ANO1: variants seen among roughly 807,000 people sequenced by gnomAD.
ANO1 encodes the protein anoctamin-1.
A neutral mutation model predicts 124.0 loss-of-function variants in ANO1; 59 were observed. That is an observed-to-expected ratio of 0.48 (90% CI 0.39 to 0.59). The LOEUF is 0.59. Ranked by LOEUF, ANO1 falls within the 20% of genes least tolerant of loss-of-function variation. ANO1 has a pLI of 0.00. For missense variants in ANO1, 1,059 were observed against 1,328.0 expected (o/e 0.80, Z 3.15); for synonymous variants, 529 against 532.0 (o/e 0.99, Z 0.08).
At position 70,182,669 on chromosome 11, in the gene ANO1, C is replaced by T. The variant is rs1483489124; in HGVS notation, c.2571C>T (p.Tyr857=). ...TAPNDPLDLG[Y]EVQICRYKDY... ...CCAATGACCCCCTGGACCTGGGCTA[C>T]GAGGTGCAGATCTGCAGGTACTGCT... is the stretch of plus-strand genomic sequence containing the variant. The change falls in exon 24 of 26, where the codon TAC becomes TAT. Residue 857 remains tyrosine (Y), a synonymous_variant. Transcript: ENST00000355303. 20 of 1,600,674 alleles carry T rather than the reference C, an allele frequency of 1.2e-5. No homozygotes were observed. Among genetic ancestry groups the T allele is most frequent in the African/African-American group, 1.1e-4 (8 of 74,632 alleles).
chr11:70,179,869 TG>T (rs1423596449), intron 22 of ANO1, 134 bp from the exon 23 acceptor site: 1 of 750,576 alleles, frequency 1.3e-6, no homozygotes, highest in African/African-American at 1.7e-5. Flanking sequence ...AAATGACTCT[TG>T]GTTGCCATAA....
intron 1 of ANO1, among the ~76,000 whole-genome samples, chr11:70,028,761 T>A (rs1591044378): frequency 1.3e-5 from 2 of 152,268 alleles, no homozygotes; most frequent in African/African-American, 4.8e-5. Context: ...ACCGCCTCTC[T>A]GTCAAGCCAG....
chr11:70,170,786 G>A, intron 21 of ANO1, 101 bp from the exon 22 acceptor site: 3 of 1,441,568 alleles, frequency 2.1e-6, no homozygotes, highest in African/African-American at 1.4e-5. Flanking sequence ...TGGAGGTGGG[G>A]CGGCAGCCAG....
intron 1 of ANO1, chr11:69,986,283 C>T (rs77015142): frequency 6.6e-6 from 1 of 152,294 alleles, no homozygotes; most frequent in African/African-American, 2.4e-5. Flanking sequence ...GAGCAGGAGG[C>T]AGGGACCCCC....
rs1294725037 is a variant in ANO1, at chr11:70,161,740, A to T, written c.1892+7A>T. 1 of 1,613,110 alleles carries T rather than the reference A, an allele frequency of 6.2e-7. No homozygotes were observed. Among genetic ancestry groups the T allele is most frequent in the African/African-American group, 1.3e-5 (1 of 74,900 alleles). On this transcript the variant is annotated splice_region_variant and intron_variant, in intron 18 of 25. Coordinates refer to ENST00000355303, the MANE Select transcript of ANO1 (RefSeq NM_018043.7). ...TGGCGTTCTTCAAAGGCCGGTAGGG[A>T]CATCTTCAGCCTTTCCCCAACCTCG...
chr11:70,134,103 A>T (rs1283842661), intron 11 of ANO1, among the ~76,000 whole-genome samples: 2 of 152,126 alleles, frequency 1.3e-5, no homozygotes, highest in East Asian at 3.9e-4. Flanking sequence ...TCCTTAGCAG[A>T]GTTCCCTCCA....
At chr11:69,984,872 C>G (rs1554996694), upstream of ANO1, among the ~76,000 whole-genome samples, 1 of 152,236 alleles carries the variant, frequency 6.6e-6, no homozygotes, top group Admixed American at 6.5e-5. Flanking sequence ...GCCCTGTCCC[C>G]CACGGCCTCT....
chr11:70,119,337 T>C (rs2046148402), intron 8 of ANO1, among the ~76,000 whole-genome samples: 1 of 142,030 alleles, frequency 7.0e-6, no homozygotes, highest in East Asian at 2.2e-4. Flanking sequence ...GATGGAAGGA[T>C]GAATGATGGA....
chr11:69,994,476 A>G lies in ANO1; in HGVS notation c.58+8310A>G, dbSNP rs781882910. ...AATGGAGGAATGGAGATAGACAGATAAAAGGAGGGAGGAAGAGAGAGATTT... is the reference window on the plus strand; with the variant it reads ...AATGGAGGAATGGAGATAGACAGATGAAAGGAGGGAGGAAGAGAGAGATTT... On this transcript the variant is annotated intron_variant, in intron 1 of 27. Coordinates refer to the ANO1 transcript ENST00000531349. Among the ~76,000 whole-genome samples, 39 of 152,130 alleles carry G rather than the reference A, an allele frequency of 2.6e-4. 1 individual carries two copies. The highest frequency in any genetic ancestry group is 2.2e-4 in the Non-Finnish European group (15 of 68,016).
intron 1 of ANO1, among the ~76,000 whole-genome samples, chr11:69,992,780 T>C (rs1856181830): frequency 6.6e-6 from 1 of 152,162 alleles, no homozygotes; most frequent in Admixed American, 6.5e-5. Flanking sequence ...CTGCCTGGCA[T>C]TGTTCCCCTC....
intron 1 of ANO1, among the ~76,000 whole-genome samples, chr11:70,003,000 T>C (rs1292743719): frequency 3.3e-5 from 5 of 150,674 alleles, no homozygotes; most frequent in East Asian, 2.0e-4. Flanking sequence ...ACCCAAAAAC[T>C]GTCGAGGAAA....
rs573858697 is a variant in ANO1, at chr11:70,149,930, C to T, written c.1341+138C>T. 15 of 878,852 alleles carry T rather than the reference C, an allele frequency of 1.7e-5. 1 individual carries two copies. In the Middle Eastern group the frequency reaches 9.5e-4, roughly 56 times the overall value. The allele number at this position is 878,852 out of a possible 1,614,324, so 54.4% of individuals were successfully genotyped here. A position where few individuals can be genotyped will look rare whatever the true frequency, so the allele number is the denominator to read the frequency against. On this transcript the variant is annotated intron_variant, in intron 12 of 25. Transcript: ENST00000355303. Reference sequence around the variant, plus strand: ...GCTGAGGCAAGGCCGCCCCCCATCCCCCACCCCCTGCCTGCCTCGCCACTC... The same window carrying T: ...GCTGAGGCAAGGCCGCCCCCCATCCTCCACCCCCTGCCTGCCTCGCCACTC...
chr11:70,102,053 G>A (rs76114679), intron 2 of ANO1, among the ~76,000 whole-genome samples: 1 of 152,218 alleles, frequency 6.6e-6, no homozygotes. Flanking sequence ...GAAATACGTT[G>A]TGGCTGCAAA....
At chr11:70,154,460 C>CTTTTTTT (rs35077245) in intron 14 of ANO1, among the ~76,000 whole-genome samples, 6 of 84,252 alleles carry the variant, frequency 7.1e-5, no homozygotes, top group Non-Finnish European at 1.1e-4. Flanking sequence ...GGAAGTATGT[C>CTTTTTTT]TTTTTTTTTT....
intron 1 of ANO1, among the ~76,000 whole-genome samples, chr11:69,992,474 C>T (rs1856175478): frequency 6.6e-6 from 1 of 152,142 alleles, no homozygotes; most frequent in Non-Finnish European, 1.5e-5. Context: ...GCCTAATTTC[C>T]CACCTCCAAG....
chr11:70,153,069 G>T lies in ANO1; in HGVS notation c.1366G>T (p.Ala456Ser). The part of the protein sequence containing the change: ...EEEAVKDHPR[A>S]EYEARVLEKS... Reference sequence around the variant, plus strand: ...GTTTCATTCACAGGATCATCCTAGAGCTGAATACGAAGCCAGAGTCTTGGA... The same window carrying T: ...GTTTCATTCACAGGATCATCCTAGATCTGAATACGAAGCCAGAGTCTTGGA... Residue 456 changes from alanine to serine, a missense_variant, in exon 14 of 26, where the codon GCT (alanine) becomes TCT (serine). Ala to Ser is a moderately conservative substitution (Grantham distance 99). Around this residue, in one of 2 missense-constraint regions of ANO1, gnomAD observed 809 missense variants for 1,094.9 expected, o/e 0.74. Transcript: ENST00000355303. 1.2e-6 allele frequency: 2 copies of T among 1,606,586 alleles called. No individual in the cohort carries two copies. The highest frequency in any genetic ancestry group is 1.1e-5 in the South Asian group (1 of 89,072).
At chr11:70,093,179 CCTTT>C (rs2044703332) in intron 2 of ANO1, among the ~76,000 whole-genome samples, 1 of 150,954 alleles carries the variant, frequency 6.6e-6, no homozygotes, top group East Asian at 1.9e-4. Flanking sequence ...TCTATCATTC[CCTTT>C]CTCTCTTCTC....
intron 2 of ANO1, among the ~76,000 whole-genome samples, chr11:70,093,115 G>A (rs1269754990): frequency 1.4e-5 from 1 of 72,808 alleles, no homozygotes; most frequent in Non-Finnish European, 2.9e-5. Flanking sequence ...CTGTCTCTCT[G>A]TCCTTTCTCT....
At chr11:70,024,089 C>T (rs1391427588) in intron 1 of ANO1, among the ~76,000 whole-genome samples, 3 of 152,240 alleles carry the variant, frequency 2.0e-5, no homozygotes, top group Non-Finnish European at 4.4e-5. Context: ...TGGGTCCACC[C>T]TCAGGACTAC....
Sources: allele counts gnomAD v4.1 joint callset (sites outside exome capture counted in the v4.1 genomes callset), GRCh38; gene constraint gnomAD v4.1.1; regional missense constraint gnomAD v4.1.1; transcripts MANE v1.5; gene names NCBI Gene and HGNC (gene_info 2026-07-23, HGNC 2026-07-21).